PHACTR2: variants seen among roughly 807,000 people sequenced by gnomAD.
The protein encoded by PHACTR2 is phosphatase and actin regulator 2, also known as chromosome 6 open reading frame 56.
PHACTR2 carries 30 observed loss-of-function variants against 76.0 expected under a neutral mutation model. The ratio of observed to expected loss-of-function variants is 0.39; its 90% CI spans 0.30 to 0.54. PHACTR2 has a LOEUF of 0.54. PHACTR2 is among the 20% of genes least tolerant of loss of function. The pLI, the probability that PHACTR2 is intolerant of heterozygous loss-of-function variation, is 0.61. For synonymous variants in PHACTR2, 292 were observed against 292.5 expected, an observed-to-expected ratio of 1.00 and a Z score of 0.02; for missense variants, 696 against 781.1, an observed-to-expected ratio of 0.89 and a Z score of 1.30.
At chr6:143,773,360 A>G (rs1775197773) in intron 7 of PHACTR2, among the ~76,000 whole-genome samples, 1 of 152,198 alleles carries the variant, frequency 6.6e-6, no homozygotes, top group Non-Finnish European at 1.5e-5. Context: ...TTACTTTTGC[A>G]TCAACCTAAT....
In PHACTR2 at chr6:143,678,631, T is replaced by C. The variant is rs979884764; in HGVS notation, c.46+422T>C. Among the ~76,000 whole-genome samples the C allele has an allele frequency of 6.6e-6, 1 of 152,178 alleles. No individual in the cohort carries two copies. The highest frequency in any genetic ancestry group is 1.5e-5 in the Non-Finnish European group (1 of 68,026). On this transcript the variant is annotated intron_variant, in intron 1 of 12. Transcript: ENST00000440869. The surrounding 1 kb of genome is among the most constrained non-coding windows in gnomAD (Gnocchi z 6.2). ...AATGCTTTCAAGCTTGTCAACTGAT[T>C]TATGGTTTGTTATTCGGAGTAGAAG...
In PHACTR2 at chr6:143,783,730, T is replaced by C. The variant is rs1775486211; in HGVS notation, c.1707+450T>C. ...TGAATAATTAACAAGGGTTTTAAGTTGCATTTACTCCATGAAAGTATGTAC... is the reference window on the plus strand; with the variant it reads ...TGAATAATTAACAAGGGTTTTAAGTCGCATTTACTCCATGAAAGTATGTAC... On this transcript the variant is annotated intron_variant, in intron 10 of 12. Coordinates refer to ENST00000440869, the MANE Select transcript of PHACTR2 (RefSeq NM_001100164.2). This position sits in a 1 kb window ranked among gnomAD's most constrained non-coding sequence, Gnocchi z 5.2. 6.6e-6 allele frequency among the ~76,000 whole-genome samples: 1 copy of C among 152,220 alleles called. No homozygotes were observed.
In PHACTR2 at chr6:143,788,777, G is replaced by C; in HGVS notation, c.1712G>C (p.Ser571Thr). Residue 571 changes from serine to threonine, a missense_variant, in exon 11 of 13, where the codon AGC becomes ACC. By Grantham distance (58) the Ser-to-Thr change is moderately conservative. Around this residue, in one of 2 missense-constraint regions of PHACTR2, gnomAD observed 236 missense variants for 330.2 expected, o/e 0.71. Coordinates refer to ENST00000440869, the MANE Select transcript of PHACTR2 (RefSeq NM_001100164.2). Reference protein sequence around the residue: ...ELKRRLSRKLSLRPTVAELQA... With the variant: ...ELKRRLSRKLTLRPTVAELQA... ...TTTTTCCTTGTCCTCCTGCAGCTCA[G>C]CCTGAGACCCACAGTGGCAGAGCTA... The C allele has an allele frequency of 6.2e-7, 1 of 1,610,950 alleles. No individual in the cohort carries two copies. Among genetic ancestry groups the C allele is most frequent in the Non-Finnish European group, 8.5e-7 (1 of 1,177,864 alleles).
chr6:143,814,829 G>C (rs569214406), intron 12 of PHACTR2, among the ~76,000 whole-genome samples: 2 of 151,860 alleles, frequency 1.3e-5, no homozygotes, highest in Non-Finnish European at 2.9e-5. Flanking sequence ...GTCCCAATCT[G>C]CTGACCTCGT....
chr6:143,700,018 G>A lies in PHACTR2; in HGVS notation c.47-11998G>A, dbSNP rs995075831. Among the ~76,000 whole-genome samples the A allele has an allele frequency of 1.3e-5, 2 of 152,048 alleles. No individual in the cohort carries two copies. Among genetic ancestry groups the A allele is most frequent in the Admixed American group, 6.5e-5 (1 of 15,268 alleles). On this transcript the variant is annotated intron_variant, in intron 1 of 12. Transcript: ENST00000440869. The surrounding 1 kb of genome is among the most constrained non-coding windows in gnomAD (Gnocchi z 4.1). ...TGTCCGGGATACTACATGTGGCCAC[G>A]GTCTCTCCACAGATACCGGCCTTGG...
Position 143,748,975 on chromosome 6 carries a change from T to C in PHACTR2, c.215-10T>C. ...ACTTGATTCTTACTTGTGCTTGTTCTTTTTAAAAGTATTAGAAAGGAAGAT... is the reference window on the plus strand; with the variant it reads ...ACTTGATTCTTACTTGTGCTTGTTCCTTTTAAAAGTATTAGAAAGGAAGAT... On this transcript the variant is annotated splice_polypyrimidine_tract_variant and intron_variant, in intron 2 of 12. Transcript: ENST00000440869. 1 of 1,420,600 alleles carries C rather than the reference T, an allele frequency of 7.0e-7. No individual in the cohort carries two copies. The highest frequency in any genetic ancestry group is 9.9e-7 in the Non-Finnish European group (1 of 1,010,348). 88.0% of individuals were successfully genotyped at this position (1,420,600 alleles called of 1,614,324 possible).
Position 143,615,009 on chromosome 6 carries a change from A to G in PHACTR2, c.13+6687A>G, listed in dbSNP as rs566061534. Among the ~76,000 whole-genome samples the G allele has an allele frequency of 9.2e-5, 14 of 152,320 alleles. No individual in the cohort carries two copies. The East Asian group carries it at 1.9e-3, about 21-fold the overall frequency. On this transcript the variant is annotated intron_variant, in intron 1 of 11. Coordinates refer to the PHACTR2 transcript ENST00000305766. ...AACATATATAACAAAGGCAAATCAT[A>G]TTTAGCTAAATGTCAAATGTCTTAA...
intron 1 of PHACTR2, among the ~76,000 whole-genome samples, chr6:143,590,974 A>G (rs1430555923): frequency 3.9e-5 from 6 of 152,228 alleles, no homozygotes; most frequent in Admixed American, 1.3e-4. Flanking sequence ...ACCCACTACC[A>G]TGAAAACTCG....
chr6:143,556,603 C>T lies in PHACTR2; in HGVS notation c.217+19396C>T, dbSNP rs921503042. Among the ~76,000 whole-genome samples, 4 of 152,182 alleles carry T rather than the reference C, an allele frequency of 2.6e-5. No homozygotes were observed. The highest frequency in any genetic ancestry group is 1.9e-4 in the East Asian group (1 of 5,192). ...ACAGCATTCAAAAAATCAATCTAAA[C>T]GCAGCCCTAGAGCAGCAATTCAGCT... On this transcript the variant is annotated intron_variant, in intron 1 of 11. Transcript: ENST00000367584. This position sits in a 1 kb window ranked among gnomAD's most constrained non-coding sequence, Gnocchi z 4.3.
chr6:143,751,435 G>T lies in PHACTR2; in HGVS notation c.296-2319G>T, dbSNP rs762185745. 6.6e-6 allele frequency among the ~76,000 whole-genome samples: 1 copy of T among 152,108 alleles called. No individual in the cohort carries two copies. The highest frequency in any genetic ancestry group is 1.5e-5 in the Non-Finnish European group (1 of 68,026). ...TTCCCTTAGCTTTTGACATGAGGTT[G>T]TGGAGGTGGTTTTGCCTGTGTGCCA... On this transcript the variant is annotated intron_variant, in intron 3 of 12. Transcript: ENST00000440869. The surrounding 1 kb of genome is among the most constrained non-coding windows in gnomAD (Gnocchi z 5.7).
chr6:143,783,522 G>T lies in PHACTR2; in HGVS notation c.1707+242G>T, dbSNP rs1004786316. Among the ~76,000 whole-genome samples the T allele has an allele frequency of 6.6e-6, 1 of 152,178 alleles. No individual in the cohort carries two copies. Among genetic ancestry groups the T allele is most frequent in the Non-Finnish European group, 1.5e-5 (1 of 68,040 alleles). ...TAGTTCCAGCTACTCAGGAGGCTGAGGTGGGAAGATTGCTTCAGCCTGGGA... is the reference window on the plus strand; with the variant it reads ...TAGTTCCAGCTACTCAGGAGGCTGATGTGGGAAGATTGCTTCAGCCTGGGA... On this transcript the variant is annotated intron_variant, in intron 10 of 12. Transcript: ENST00000440869. This position sits in a 1 kb window ranked among gnomAD's most constrained non-coding sequence, Gnocchi z 5.2.
Position 143,678,274 on chromosome 6 carries a change from G to GGGCA in PHACTR2, c.46+72_46+75dup. 1 of 1,374,802 alleles carries GGGCA rather than the reference G, an allele frequency of 7.3e-7. No individual in the cohort carries two copies. The allele number at this position is 1,374,802 out of a possible 1,614,324, so 85.2% of individuals were successfully genotyped here. On this transcript the variant is annotated intron_variant, in intron 1 of 12. Coordinates refer to ENST00000440869, the MANE Select transcript of PHACTR2 (RefSeq NM_001100164.2). This position sits in a 1 kb window ranked among gnomAD's most constrained non-coding sequence, Gnocchi z 6.2. ...GCGCAGGGCTGGCGGCGGGGCCCCG[G>GGGCA]GGCAGGCAGGGTTAGTCGTCTGGTC...
Position 143,562,754 on chromosome 6 carries a change from G to T in PHACTR2, c.217+25547G>T, listed in dbSNP as rs964316903. Among the ~76,000 whole-genome samples, 1 of 152,114 alleles carries T rather than the reference G, an allele frequency of 6.6e-6. No individual in the cohort carries two copies. Among genetic ancestry groups the T allele is most frequent in the Non-Finnish European group, 1.5e-5 (1 of 68,030 alleles). On this transcript the variant is annotated intron_variant, in intron 1 of 11. Transcript: ENST00000367584. This position sits in a 1 kb window ranked among gnomAD's most constrained non-coding sequence, Gnocchi z 5.1. ...AGATCATCCACAGTTATTCCTAAAA[G>T]GTAATGAGTAGTTGAATTAACAAAA...
At chr6:143,726,123 A>G (rs142808853) in intron 2 of PHACTR2, among the ~76,000 whole-genome samples, 177 of 152,330 alleles carry the variant, frequency 1.2e-3, no homozygotes, top group African/African-American at 4.0e-3. Context: ...AATGTGTAGG[A>G]ATGGGATCTT....
At position 143,765,439 on chromosome 6, in the gene PHACTR2, C is replaced by T; in HGVS notation, c.873C>T (p.Ser291=). 9 of 1,614,222 alleles carry T rather than the reference C, an allele frequency of 5.6e-6. No homozygotes were observed. The highest frequency in any genetic ancestry group is 7.6e-6 in the Non-Finnish European group (9 of 1,180,038). The change falls in exon 6 of 13, where the codon TCC becomes TCT. Residue 291 remains serine, a synonymous_variant. Coordinates refer to ENST00000440869, the MANE Select transcript of PHACTR2 (RefSeq NM_001100164.2). This position sits in a 1 kb window ranked among gnomAD's most constrained non-coding sequence, Gnocchi z 4.1. ...AGCAGCCAATAACTTCTCACCTGTC[C>T]TCAGACACAACAACTTCTGGCACAT... ...TDKQPITSHL[S]SDTTTSGTSD...
In PHACTR2 at chr6:143,580,282, G is replaced by A. The variant is rs928083241; in HGVS notation, c.217+43075G>A. Among the ~76,000 whole-genome samples the A allele has an allele frequency of 1.1e-4, 17 of 152,194 alleles. No homozygotes were observed. The South Asian group carries it at 1.2e-3, about 11-fold the overall frequency. On this transcript the variant is annotated intron_variant, in intron 1 of 11. Coordinates refer to the PHACTR2 transcript ENST00000367584. The surrounding 1 kb of genome is among the most constrained non-coding windows in gnomAD (Gnocchi z 4.2). ...AGGCAGATCACGAGGTCAGGAAATC[G>A]AGACCATCTTGGCCAACACGGTGAA...
chr6:143,805,499 A>C lies in PHACTR2; in HGVS notation c.1846-1558A>C, dbSNP rs1004805273. 2.7e-3 allele frequency among the ~76,000 whole-genome samples: 413 copies of C among 150,704 alleles called. 1 individual carries two copies. The highest frequency in any genetic ancestry group is 4.5e-3 in the Non-Finnish European group (303 of 67,868). ...CGTCTCAAAAAAAAAAAAAAAAAAA[A>C]ACCTCCTTTCAAGGAAGAACGTTTT... On this transcript the variant is annotated intron_variant, in intron 11 of 12. Transcript: ENST00000440869.
chr6:143,548,887 G>A lies in PHACTR2; in HGVS notation c.217+11680G>A, dbSNP rs1004915115. ...TTCATTGCACCATAGGTGTTTTAGA[G>A]TTGTGGGGGAAACAAGCAAGAATGA... On this transcript the variant is annotated intron_variant, in intron 1 of 11. Coordinates refer to the PHACTR2 transcript ENST00000367584. The surrounding 1 kb of genome is among the most constrained non-coding windows in gnomAD (Gnocchi z 4.5). 6.6e-6 allele frequency among the ~76,000 whole-genome samples: 1 copy of A among 151,976 alleles called. No homozygotes were observed. Among genetic ancestry groups the A allele is most frequent in the Non-Finnish European group, 1.5e-5 (1 of 67,960 alleles).
At position 143,697,997 on chromosome 6, in the gene PHACTR2, A is replaced by G. The variant is rs1777810672; in HGVS notation, c.47-14019A>G. Among the ~76,000 whole-genome samples the G allele has an allele frequency of 6.6e-6, 1 of 152,166 alleles. No individual in the cohort carries two copies. Among genetic ancestry groups the G allele is most frequent in the Non-Finnish European group, 1.5e-5 (1 of 68,022 alleles). On this transcript the variant is annotated intron_variant, in intron 1 of 12. Coordinates refer to ENST00000440869, the MANE Select transcript of PHACTR2 (RefSeq NM_001100164.2). The surrounding 1 kb of genome is among the most constrained non-coding windows in gnomAD (Gnocchi z 4.4). ...ACAACAACAATTAAAAATCATTTTT[A>G]TGGTTTCTGAAAACATTGGTGAATT...
Sources: gnomAD v4.1 joint callset for allele counts (sites outside exome capture counted in the v4.1 genomes callset) on GRCh38, gnomAD v4.1.1 for gene constraint, gnomAD v4.1.1 regional missense constraint, Gnocchi (gnomAD v3.1) non-coding constraint, MANE v1.5 for transcripts, NCBI Gene and HGNC (gene_info 2026-07-23, HGNC 2026-07-21) for gene names.